The following DCDC1 variants were observed in gnomAD, a reference collection of about 807,000 sequenced individuals.
DCDC1 encodes the protein doublecortin domain containing 1.
In DCDC1, 200 loss-of-function variants were observed where a neutral mutation model predicts 178.3. The ratio of observed to expected loss-of-function variants is 1.12; its 90% CI spans 1.00 to 1.26. The LOEUF is 1.26. DCDC1 is among the 50% of genes most tolerant of loss of function. DCDC1 has a pLI of 0.00. For missense variants in DCDC1, 1,983 were observed against 1,749.2 expected, an observed-to-expected ratio of 1.13 and a Z score of -2.38; for synonymous variants, 690 against 604.8, an observed-to-expected ratio of 1.14 and a Z score of -2.07.
intron 34 of DCDC1, among the ~76,000 whole-genome samples, chr11:30,896,072 C>T (rs1387013677): frequency 6.6e-6 from 1 of 152,040 alleles, no homozygotes; most frequent in East Asian, 1.9e-4. Flanking sequence ...TGCACTTGCG[C>T]TATAATTTTC....
intron 6 of DCDC1, among the ~76,000 whole-genome samples, chr11:31,296,854 G>GT (rs1947721449): frequency 6.6e-6 from 1 of 151,618 alleles, no homozygotes; most frequent in Non-Finnish European, 1.5e-5. Flanking sequence ...AAACAGCATG[G>GT]GGGGGACCAC....
At chr11:31,018,217 C>T (rs1478559974) in intron 20 of DCDC1, among the ~76,000 whole-genome samples, 6 of 152,116 alleles carry the variant, frequency 3.9e-5, no homozygotes, top group African/African-American at 7.2e-5. Context: ...TGTTTAATGG[C>T]GTTTATACCT....
At chr11:31,078,700 T>A (rs1489273145) in intron 17 of DCDC1, among the ~76,000 whole-genome samples, 2 of 152,120 alleles carry the variant, frequency 1.3e-5, no homozygotes, top group East Asian at 1.9e-4. Flanking sequence ...TTAGCCTACA[T>A]CCAGTTATGT....
Position 31,290,713 on chromosome 11 carries a change from C to T in DCDC1, c.894G>A (p.Leu298=), listed in dbSNP as rs748382083. ...KLTERTSVRI[L]FFKNGMGQDG... is the part of the protein sequence containing the mutation. ...CCTGCCCCATGCCATTCTTAAAGAA[C>T]AGAATTCGGACTGAGGTCCTCTCAG... The change falls in exon 7 of 39, where the codon CTG becomes CTA. Residue 298 remains leucine (L), a synonymous_variant. Transcript: ENST00000684477. 17 of 1,613,378 alleles carry T rather than the reference C, an allele frequency of 1.1e-5. No homozygotes were observed. Among genetic ancestry groups the T allele is most frequent in the Admixed American group, 8.3e-5 (5 of 59,962 alleles).
chr11:31,268,029 T>C (rs963249468), intron 7 of DCDC1, among the ~76,000 whole-genome samples: 12 of 152,208 alleles, frequency 7.9e-5, no homozygotes, highest in Admixed American at 2.6e-4. Context: ...CTATTAAGCA[T>C]CTACAGTTGG....
At chr11:31,274,527 T>C (rs1456247886) in intron 7 of DCDC1, among the ~76,000 whole-genome samples, 1 of 151,974 alleles carries the variant, frequency 6.6e-6, no homozygotes, top group African/African-American at 2.4e-5. Context: ...TGGGGAACTA[T>C]TTCAGAGAAC....
At chr11:31,020,335 C>T (rs1044059142) in intron 20 of DCDC1, among the ~76,000 whole-genome samples, 2 of 152,094 alleles carry the variant, frequency 1.3e-5, no homozygotes, top group Non-Finnish European at 2.9e-5. Context: ...TTCCCACTGA[C>T]GATTTCTTAT....
intron 20 of DCDC1, among the ~76,000 whole-genome samples, chr11:31,003,747 C>A (rs891825269): frequency 3.3e-5 from 5 of 152,108 alleles, no homozygotes; most frequent in African/African-American, 4.8e-5. Flanking sequence ...ATCATAGGAC[C>A]ATTATAGCCC....
At chr11:31,145,493 TG>T (rs1964345401) in intron 9 of DCDC1, among the ~76,000 whole-genome samples, 1 of 152,128 alleles carries the variant, frequency 6.6e-6, no homozygotes, top group Non-Finnish European at 1.5e-5. Flanking sequence ...TCTATAAGGG[TG>T]GTGGCCTATC....
At chr11:31,266,251 ACT>A (rs1486302409) in intron 7 of DCDC1, among the ~76,000 whole-genome samples, 2 of 151,988 alleles carry the variant, frequency 1.3e-5, no homozygotes, top group African/African-American at 2.4e-5. Context: ...TCTAATATGC[ACT>A]CTCTTTTAAT....
rs1959958075 is a variant in DCDC1, at chr11:31,116,343, T to G, written c.1486-5982A>C. Among the ~76,000 whole-genome samples the G allele has an allele frequency of 2.0e-5, 3 of 151,748 alleles. No homozygotes were observed. In the South Asian group the frequency reaches 6.2e-4, roughly 32 times the overall value. On this transcript the variant is annotated intron_variant, in intron 11 of 38. Coordinates refer to ENST00000684477, the MANE Select transcript of DCDC1 (RefSeq NM_001387274.1). ...TAGTTGAGTTTTTACCTAAATCAAATAACACAAAAATTAAAGTGAAATATT... is the reference window on the plus strand; with the variant it reads ...TAGTTGAGTTTTTACCTAAATCAAAGAACACAAAAATTAAAGTGAAATATT...
chr11:31,246,384 A>T (rs1380813256), intron 8 of DCDC1, among the ~76,000 whole-genome samples: 1 of 151,986 alleles, frequency 6.6e-6, no homozygotes. Flanking sequence ...CTTCTAAAAT[A>T]CTTGGCTATT....
At chr11:31,311,419 T>A (rs1272338075) in intron 3 of DCDC1, among the ~76,000 whole-genome samples, 1 of 152,246 alleles carries the variant, frequency 6.6e-6, no homozygotes, top group Admixed American at 6.5e-5. Flanking sequence ...AGAGACACTA[T>A]ATATTGATTG....
At chr11:31,017,210 G>T (rs1009410252) in intron 20 of DCDC1, among the ~76,000 whole-genome samples, 1 of 152,090 alleles carries the variant, frequency 6.6e-6, no homozygotes. Context: ...TTTGAGCTTT[G>T]AGGGTCCACT....
chr11:31,190,148 T>C (rs779354855), intron 9 of DCDC1, among the ~76,000 whole-genome samples: 2 of 152,194 alleles, frequency 1.3e-5, no homozygotes, highest in Non-Finnish European at 2.9e-5. Context: ...AGCACATACT[T>C]TACCTCACGA....
intron 9 of DCDC1, among the ~76,000 whole-genome samples, chr11:31,149,172 T>TA (rs1416052377): frequency 2.6e-5 from 4 of 152,234 alleles, no homozygotes; most frequent in Admixed American, 2.6e-4. Context: ...TGTGCTGCTA[T>TA]AAACATGCAT....
At chr11:31,101,366 G>GA (rs35971748) in intron 15 of DCDC1, among the ~76,000 whole-genome samples, 17 of 150,070 alleles carry the variant, frequency 1.1e-4, no homozygotes, top group South Asian at 2.1e-4. Flanking sequence ...GAGCTGGAGG[G>GA]AAAAAAAAAA....
chr11:30,932,742 T>C (rs1469146450), intron 21 of DCDC1, among the ~76,000 whole-genome samples: 1 of 152,082 alleles, frequency 6.6e-6, no homozygotes, highest in South Asian at 2.1e-4. Context: ...TCCTGAAGCC[T>C]TCGTAGGAGT....
rs568531563 is a variant in DCDC1 at position 30,972,741 on chromosome 11, A to G, written c.2592-20173T>C. On this transcript the variant is annotated intron_variant, in intron 20 of 38. Coordinates refer to ENST00000684477, the MANE Select transcript of DCDC1 (RefSeq NM_001387274.1). ...TGAATGTAAATAGATTAAACTTTCC[A>G]TTTAAAAGATACAGACAAGCCAAAT... Among the ~76,000 whole-genome samples the G allele has an allele frequency of 3.2e-4, 48 of 152,360 alleles. No individual in the cohort carries two copies. In the South Asian group the frequency reaches 6.2e-3, roughly 20 times the overall value.
Sources: allele counts gnomAD v4.1 joint callset (sites outside exome capture counted in the v4.1 genomes callset), GRCh38; gene constraint gnomAD v4.1.1; transcripts MANE v1.5; gene names NCBI Gene and HGNC (gene_info 2026-07-23, HGNC 2026-07-21).